The following RPTOR variants were observed in gnomAD, a reference collection of about 807,000 sequenced individuals.
RPTOR encodes regulatory-associated protein of mTOR.
RPTOR carries 21 observed loss-of-function variants against 169.9 expected under a neutral mutation model. The observed-to-expected ratio is 0.12, with a 90% confidence interval of 0.09 to 0.18. The LOEUF is 0.18. Ranked by LOEUF, RPTOR falls within the 10% of genes least tolerant of loss-of-function variation. The pLI, the probability that RPTOR is intolerant of heterozygous loss-of-function variation, is 1.00. For missense variants in RPTOR, 1,133 were observed against 1,855.9 expected (o/e 0.61, Z 7.16); for synonymous variants, 732 against 753.2 (o/e 0.97, Z 0.46).
chr17:80,700,658 A>ATGG (rs1567864519), intron 3 of RPTOR, among the ~76,000 whole-genome samples: 3 of 4,714 alleles, frequency 6.4e-4, no homozygotes, highest in Admixed American at 3.2e-3. Flanking sequence ...GATGGTAGAG[A>ATGG]TGATGGTGAT....
chr17:80,808,526 G>T (rs117933497), intron 7 of RPTOR, among the ~76,000 whole-genome samples: 2 of 152,158 alleles, frequency 1.3e-5, no homozygotes, highest in African/African-American at 4.8e-5. Context: ...TTGTTTTCAC[G>T]TTTTCAAATC....
At chr17:80,558,258 G>GA (rs2084435758) in intron 1 of RPTOR, among the ~76,000 whole-genome samples, 1 of 152,198 alleles carries the variant, frequency 6.6e-6, no homozygotes, top group Non-Finnish European at 1.5e-5. Flanking sequence ...CTATGATGGT[G>GA]TCACTGCCCT....
At chr17:80,598,482 T>G (rs1393574848) in intron 1 of RPTOR, among the ~76,000 whole-genome samples, 5 of 152,204 alleles carry the variant, frequency 3.3e-5, no homozygotes, top group Admixed American at 2.6e-4. Flanking sequence ...TTGCTTCTTA[T>G]TAGGAGACAA....
chr17:80,553,760 A>G (rs1022416212), intron 1 of RPTOR, among the ~76,000 whole-genome samples: 3 of 130,180 alleles, frequency 2.3e-5, no homozygotes, highest in Non-Finnish European at 5.2e-5. Context: ...CTTTTTTTTT[A>G]AGACGGAATC....
At chr17:80,667,462 G>GCATC (rs1229371794) in intron 3 of RPTOR, among the ~76,000 whole-genome samples, 1 of 152,198 alleles carries the variant, frequency 6.6e-6, no homozygotes, top group East Asian at 1.9e-4. Context: ...GCTGACAAGT[G>GCATC]CATCGTGAGG....
At chr17:80,629,268 GTGC>G (rs1242555855) in intron 2 of RPTOR, among the ~76,000 whole-genome samples, 2 of 150,618 alleles carry the variant, frequency 1.3e-5, no homozygotes, top group Non-Finnish European at 3.0e-5. Flanking sequence ...TCTATGTATT[GTGC>G]TGTTGGACAT....
chr17:80,819,744 G>C (rs1277947739), intron 7 of RPTOR, among the ~76,000 whole-genome samples: 2 of 152,234 alleles, frequency 1.3e-5, no homozygotes, highest in African/African-American at 4.8e-5. Context: ...TAGAATGGGG[G>C]CTCTGCACAC....
chr17:80,838,744 A>G (rs2067593925), intron 10 of RPTOR, among the ~76,000 whole-genome samples: 1 of 152,154 alleles, frequency 6.6e-6, no homozygotes, highest in Non-Finnish European at 1.5e-5. Flanking sequence ...GGGGACCAGC[A>G]TCCCCGCCTC....
At chr17:80,715,925 C>T (rs1748527642) in intron 4 of RPTOR, among the ~76,000 whole-genome samples, 1 of 152,196 alleles carries the variant, frequency 6.6e-6, no homozygotes, top group Non-Finnish European at 1.5e-5. Flanking sequence ...GAGTAGTATT[C>T]CATCATGTAT....
At position 80,837,977 on chromosome 17, in the gene RPTOR, G is replaced by A. The variant is rs1273326444; in HGVS notation, c.1192G>A (p.Glu398Lys). 8.1e-6 allele frequency: 13 copies of A among 1,611,434 alleles called. No homozygotes were observed. The highest frequency in any genetic ancestry group is 2.2e-5 in the South Asian group (2 of 90,326). ...TCTGTCTCAGCTGCCGACGATCATC[G>A]AGGAAGGCACTGCGTTTCGGGTGAG... ...ICLSQLPTII[E>K]EGTAFRHSPF... The change falls in exon 10 of 34, where the codon GAG becomes AAG. Residue 398 changes from glutamate to lysine, a missense_variant. By Grantham distance (56) the Glu-to-Lys change is moderately conservative. Around this residue, in one of 9 missense-constraint regions of RPTOR, gnomAD observed 289 missense variants for 585.8 expected, o/e 0.49. Transcript: ENST00000306801.
chr17:80,921,497 C>T (rs955274106), intron 21 of RPTOR, among the ~76,000 whole-genome samples: 1 of 152,232 alleles, frequency 6.6e-6, no homozygotes, highest in Admixed American at 6.5e-5. Context: ...GGTGGCCGGG[C>T]AGCGCACGCC....
chr17:80,856,403 G>A (rs539319144), intron 12 of RPTOR, among the ~76,000 whole-genome samples: 1 of 152,364 alleles, frequency 6.6e-6, no homozygotes, highest in African/African-American at 2.4e-5. Context: ...CGGTGGGGCG[G>A]TGGGTGCGGA....
rs552967068 is a variant in RPTOR, at chr17:80,721,487, C to G, written c.508-9073C>G. ...CTTCCTGCTGCGTGTGCATCTGGCC[C>G]TGGAAAGAGGCACACCCAGCAGCGG... On this transcript the variant is annotated intron_variant, in intron 4 of 33. Coordinates refer to ENST00000306801, the MANE Select transcript of RPTOR (RefSeq NM_020761.3). This position sits in a 1 kb window ranked among gnomAD's most constrained non-coding sequence, Gnocchi z 4.7. Among the ~76,000 whole-genome samples the G allele has an allele frequency of 6.6e-6, 1 of 151,530 alleles. No individual in the cohort carries two copies. Among genetic ancestry groups the G allele is most frequent in the South Asian group, 2.1e-4 (1 of 4,834 alleles).
chr17:80,899,484 A>G (rs1394753938), intron 20 of RPTOR, among the ~76,000 whole-genome samples: 3 of 152,236 alleles, frequency 2.0e-5, no homozygotes, highest in Non-Finnish European at 4.4e-5. Context: ...GGCCCCGGCC[A>G]CAGCTCCTGT....
intron 5 of RPTOR, chr17:80,743,305 CA>C: frequency 1.7e-5 from 17 of 985,598 alleles, no homozygotes; most frequent in Non-Finnish European, 2.0e-5. Flanking sequence ...ACCCATCTGG[CA>C]GGGGGCAGGG....
Position 80,633,191 on chromosome 17 carries a change from T to C in RPTOR, c.265+7398T>C, listed in dbSNP as rs746039421. Among the ~76,000 whole-genome samples the C allele has an allele frequency of 8.5e-5, 13 of 152,378 alleles. No homozygotes were observed. The highest frequency in any genetic ancestry group is 1.8e-4 in the Non-Finnish European group (12 of 68,038). On this transcript the variant is annotated intron_variant, in intron 2 of 33. Coordinates refer to ENST00000306801, the MANE Select transcript of RPTOR (RefSeq NM_020761.3). The surrounding 1 kb of genome is among the most constrained non-coding windows in gnomAD (Gnocchi z 4.1). ...CTCTGAGAGAAGGCGGCTGACATGG[T>C]GCTTCAGCACCTCTGAATTCCTTAG...
intron 6 of RPTOR, among the ~76,000 whole-genome samples, chr17:80,760,269 A>G (rs1409568381): frequency 6.8e-6 from 1 of 147,498 alleles, no homozygotes; most frequent in Non-Finnish European, 1.5e-5. Flanking sequence ...ACAAATGAGC[A>G]TGGCTGTGTT....
chr17:80,742,575 CAT>C (rs10558918), intron 5 of RPTOR, among the ~76,000 whole-genome samples: 33,120 of 151,366 alleles, frequency 0.22, 3,649 homozygotes, highest in African/African-American at 0.23. Context: ...TATGCACACA[CAT>C]AGACATATAT....
chr17:80,871,266 C>G (rs182520985), intron 13 of RPTOR, among the ~76,000 whole-genome samples: 2 of 152,222 alleles, frequency 1.3e-5, no homozygotes, highest in African/African-American at 4.8e-5. Context: ...CCACCACGCC[C>G]GGCTAATTTT....
Sources: allele counts gnomAD v4.1 joint callset (sites outside exome capture counted in the v4.1 genomes callset), GRCh38; gene constraint gnomAD v4.1.1; regional missense constraint gnomAD v4.1.1; non-coding constraint Gnocchi (gnomAD v3.1); transcripts MANE v1.5; gene names NCBI Gene and HGNC (gene_info 2026-07-23, HGNC 2026-07-21).